Variants in PTCH1 observed in about 807,000 individuals in gnomAD.
The protein encoded by PTCH1 is protein patched homolog 1.
A neutral mutation model predicts 144.6 loss-of-function variants in PTCH1; 14 were observed. The observed-to-expected ratio is 0.10, with a 90% CI of 0.06 to 0.15. The LOEUF (loss-of-function observed/expected upper bound fraction) is 0.15, where lower values mean the gene tolerates loss of function less well. Among genes scored for constraint, PTCH1 ranks in the 10% least tolerant of loss-of-function variants. The pLI is 1.00. For synonymous variants in PTCH1, 833 were observed against 793.6 expected, an observed-to-expected ratio of 1.05 and a Z score of -0.83; for missense variants, 1,623 against 1,948.3, an observed-to-expected ratio of 0.83 and a Z score of 3.14.
At chr9:95,477,373 G>A (rs1841130768) in intron 10 of PTCH1, among the ~76,000 whole-genome samples, 174 bp downstream of exon 10, 1 of 152,184 alleles carries the variant, frequency 6.6e-6, no homozygotes, top group Admixed American at 6.5e-5. Context: ...ACTTCCCTGA[G>A]GGCGGACAGC....
chr9:95,484,257 T>C (rs548966367), intron 3 of PTCH1: 34 of 152,352 alleles, frequency 2.2e-4, no homozygotes, highest in African/African-American at 7.9e-4. Flanking sequence ...GTTGCTTCCC[T>C]ACAATACTTG....
chr9:95,457,042 C>G (rs1162702397), intron 18 of PTCH1, among the ~76,000 whole-genome samples: 2 of 152,172 alleles, frequency 1.3e-5, no homozygotes, highest in African/African-American at 2.4e-5. Flanking sequence ...CTGGGGACAG[C>G]TGGGGTGGAC....
At chr9:95,505,749 AT>A (rs769549813) in intron 2 of PTCH1, among the ~76,000 whole-genome samples, 88 of 147,956 alleles carry the variant, frequency 5.9e-4, no homozygotes, top group African/African-American at 1.8e-3. Context: ...GTGCCTTACT[AT>A]TTTTTTTTCC....
At chr9:95,474,242 G>A (rs1366832735) in intron 12 of PTCH1, 4 of 326,630 alleles carry the variant, frequency 1.2e-5, no homozygotes, top group Non-Finnish European at 2.4e-5. Context: ...AGAAAAGAAG[G>A]GGAGAGGAGA....
At chr9:95,480,953 C>T (rs1223279356) in intron 5 of PTCH1, among the ~76,000 whole-genome samples, 1 of 151,802 alleles carries the variant, frequency 6.6e-6, no homozygotes, top group Non-Finnish European at 1.5e-5. Flanking sequence ...CAAATTAGCA[C>T]TTGGCAGCCA....
chr9:95,456,246 CAA>C lies in PTCH1; in HGVS notation c.3306+28_3306+29del, dbSNP rs568281763. On this transcript the variant is annotated intron_variant, in intron 19 of 23. Coordinates refer to ENST00000331920, the MANE Select transcript of PTCH1 (RefSeq NM_000264.5). Reference sequence around the variant, plus strand: ...CCAGAGGAAATGGGTTGTTTTTTCACAAAGTTTTTGCTTCAAATGTCTCCCAT... The same window carrying C: ...CCAGAGGAAATGGGTTGTTTTTTCACAGTTTTTGCTTCAAATGTCTCCCAT... The C allele has an allele frequency of 1.7e-3, 2,685 of 1,611,810 alleles. 7 individuals are homozygous for C. The highest frequency in any genetic ancestry group is 2.0e-3 in the Non-Finnish European group (2,340 of 1,179,848).
intron 16 of PTCH1, 109 bp from the exon 17 acceptor site, chr9:95,459,892 A>G: frequency 8.4e-7 from 1 of 1,193,008 alleles, no homozygotes; most frequent in Non-Finnish European, 1.2e-6. Context: ...AACAAAGAAT[A>G]GAATGCCTAC....
chr9:95,476,307 C>T lies in PTCH1; in HGVS notation c.1603-148G>A. The T allele has an allele frequency of 9.2e-7, 1 of 1,086,060 alleles. No homozygotes were observed. The highest frequency in any genetic ancestry group is 1.6e-5 in the African/African-American group (1 of 64,396). 67.3% of individuals were successfully genotyped at this position (1,086,060 alleles called of 1,614,324 possible). Reference sequence around the variant, plus strand: ...TAGGGAAACAGAGCCACCTGCCTTACCCCCTAACACCAGCATTATTCAGTA... The same window carrying T: ...TAGGGAAACAGAGCCACCTGCCTTATCCCCTAACACCAGCATTATTCAGTA... On this transcript the variant is annotated intron_variant, in intron 11 of 23. Transcript: ENST00000331920. This position sits in a 1 kb window ranked among gnomAD's most constrained non-coding sequence, Gnocchi z 4.6.
chr9:95,474,752 G>A (rs1357447907), intron 12 of PTCH1, among the ~76,000 whole-genome samples: 1 of 152,056 alleles, frequency 6.6e-6, no homozygotes, highest in Non-Finnish European at 1.5e-5. Flanking sequence ...ATGACAAATG[G>A]AAAGACTAGG....
At chr9:95,462,478 C>T (rs940318018) in intron 15 of PTCH1, among the ~76,000 whole-genome samples, 2 of 152,162 alleles carry the variant, frequency 1.3e-5, no homozygotes, top group Non-Finnish European at 2.9e-5. Context: ...CCAGGGTGAG[C>T]GAACACGATT....
rs1194949212 is a variant in PTCH1 at position 95,458,362 on chromosome 9, GAGA to G, written c.2888-72_2888-70del. On this transcript the variant is annotated intron_variant, in intron 17 of 23. Transcript: ENST00000331920. This position sits in a 1 kb window ranked among gnomAD's most constrained non-coding sequence, Gnocchi z 4.7. ...GAGCATCACAGTTTCAATGGAAAGA[GAGA>G]AGAACTTTGCATGAAAGCTTACTGA... 3.2e-6 allele frequency: 5 copies of G among 1,553,906 alleles called. No individual in the cohort carries two copies. Among genetic ancestry groups the G allele is most frequent in the South Asian group, 1.2e-5 (1 of 85,502 alleles).
intron 2 of PTCH1, among the ~76,000 whole-genome samples, chr9:95,493,804 A>C (rs113918191): frequency 1.3e-3 from 203 of 152,064 alleles, no homozygotes; most frequent in African/African-American, 3.8e-3. Flanking sequence ...CGAAAAACAA[A>C]AAAAAAAGAA....
intron 3 of PTCH1, among the ~76,000 whole-genome samples, chr9:95,484,496 A>G (rs1841824341): frequency 6.6e-6 from 1 of 152,224 alleles, no homozygotes; most frequent in Non-Finnish European, 1.5e-5. Flanking sequence ...AGCAGAGGTT[A>G]GAGAAGGGAC....
chr9:95,506,670 G>GCACCCGCCCGCTTGCGCT, intron 1 of PTCH1, 71 bp from the exon 2 acceptor site: 1 of 1,399,820 alleles, frequency 7.1e-7, no homozygotes, highest in Non-Finnish European at 9.4e-7. Context: ...CCGCTTGCGC[G>GCACCCGCCCGCTTGCGCT]CACCCGCCCG....
At chr9:95,495,754 G>A (rs1256042905) in intron 2 of PTCH1, among the ~76,000 whole-genome samples, 1 of 146,510 alleles carries the variant, frequency 6.8e-6, no homozygotes, top group Admixed American at 6.6e-5. Context: ...GGAATGGTGT[G>A]GGGGGTAAAA....
At position 95,461,953 on chromosome 9, in the gene PTCH1, A is replaced by G. The variant is rs1345518847; in HGVS notation, c.2606T>C (p.Met869Thr). The change falls in exon 16 of 24, where the codon ATG becomes ACG. Residue 869 changes from methionine to threonine, a missense_variant. Around this residue, in one of 7 missense-constraint regions of PTCH1, gnomAD observed 504 missense variants for 679.3 expected, o/e 0.74. Transcript: ENST00000331920. ...FDSDWETGKI[M>T]PNNYKNGSDD... is the part of the protein sequence containing the mutation. ...TGATCCATTCTTGTAATTGTTTGGC[A>G]TGATTTTCCCGGTTTCCCAGTCACT... 1 of 1,614,226 alleles carries G rather than the reference A, an allele frequency of 6.2e-7. No homozygotes were observed. The highest frequency in any genetic ancestry group is 8.5e-7 in the Non-Finnish European group (1 of 1,180,040).
intron 2 of PTCH1, among the ~76,000 whole-genome samples, chr9:95,490,639 TACTC>T (rs1396161608): frequency 6.6e-6 from 1 of 152,038 alleles, no homozygotes; most frequent in Non-Finnish European, 1.5e-5. Flanking sequence ...GGCATCTCTG[TACTC>T]ACTCATATAT....
intron 2 of PTCH1, among the ~76,000 whole-genome samples, chr9:95,495,991 G>A (rs1484297650): frequency 6.6e-6 from 1 of 152,078 alleles, no homozygotes; most frequent in Non-Finnish European, 1.5e-5. Flanking sequence ...GAACTGGGCT[G>A]TCCCATCAAA....
At chr9:95,455,078 A>T (rs1294049128) in intron 19 of PTCH1, among the ~76,000 whole-genome samples, 5 of 152,200 alleles carry the variant, frequency 3.3e-5, no homozygotes, top group Non-Finnish European at 7.3e-5. Context: ...TCTTCTTTTT[A>T]AAAAAATAGT....
Sources: gnomAD v4.1 joint callset for allele counts (sites outside exome capture counted in the v4.1 genomes callset) on GRCh38, gnomAD v4.1.1 for gene constraint, gnomAD v4.1.1 regional missense constraint, Gnocchi (gnomAD v3.1) non-coding constraint, MANE v1.5 for transcripts, NCBI Gene and HGNC (gene_info 2026-07-23, HGNC 2026-07-21) for gene names.